Variants in IL4I1 observed in about 807,000 individuals in gnomAD.
IL4I1 encodes L-amino-acid oxidase.
IL4I1 carries 24 observed loss-of-function variants against 29.7 expected under a neutral mutation model. The ratio of observed to expected loss-of-function variants is 0.81; its 90% CI spans 0.59 to 1.14. The LOEUF (loss-of-function observed/expected upper bound fraction) is 1.14. Ranked by LOEUF, IL4I1 falls within the 50% of genes most tolerant of loss-of-function variation. The pLI, the probability that IL4I1 is intolerant of heterozygous loss-of-function variation, is 0.00. For synonymous variants in IL4I1, 371 were observed against 352.5 expected, an observed-to-expected ratio of 1.05 and a Z score of -0.59; for missense variants, 686 against 785.6, an observed-to-expected ratio of 0.87 and a Z score of 1.52.
intron 2 of IL4I1, chr19:49,911,084 T>G (rs1331308657): frequency 6.6e-6 from 1 of 152,174 alleles, no homozygotes; most frequent in Non-Finnish European, 1.5e-5. Context: ...TTTTTTATTT[T>G]TTGTGGAAAT....
rs1175710106 is a variant in IL4I1, at chr19:49,891,471, G to A, written c.570C>T (p.Ala190=). 1.9e-6 allele frequency: 3 copies of A among 1,613,930 alleles called. No individual in the cohort carries two copies. Among genetic ancestry groups the A allele is most frequent in the African/African-American group, 1.3e-5 (1 of 74,934 alleles). The part of the protein sequence containing the change: ...EDIYQMALNQ[A]LKDLKALGCR... The stretch of plus-strand genomic sequence containing the variant: ...AGCCCAGTGCCTTGAGGTCTTTGAG[G>A]GCCTGTTGTGGAAGAAGCAGACATG... Residue 190 remains alanine, a splice_region_variant and synonymous_variant, in exon 6 of 8, where the codon GCC becomes GCT. Transcript: ENST00000391826.
rs530202039 is a variant in IL4I1, at chr19:49,889,822, C to G, written c.1552G>C (p.Glu518Gln). The G allele has an allele frequency of 1.3e-6, 2 of 1,559,310 alleles. No individual in the cohort carries two copies. Among genetic ancestry groups the G allele is most frequent in the African/African-American group, 2.7e-5 (2 of 73,150 alleles). The change falls in exon 8 of 8, where the codon GAG becomes CAG. Residue 518 changes from glutamate to glutamine, a missense_variant. Transcript: ENST00000391826. ...CCCTCCATGTCAGATGCGTGCCCCTCGGGGCTGGCCGTGTCCGATGCAGGC... is the reference window on the plus strand; with the variant it reads ...CCCTCCATGTCAGATGCGTGCCCCTGGGGGCTGGCCGTGTCCGATGCAGGC... ...KGPASDTASPEGHASDMEGQG... is the reference protein window; with the variant it reads ...KGPASDTASPQGHASDMEGQG...
At chr19:49,892,512 A>C (rs112441592) in intron 5 of IL4I1, among the ~76,000 whole-genome samples, 1 of 152,174 alleles carries the variant, frequency 6.6e-6, no homozygotes, top group African/African-American at 2.4e-5. Context: ...AACAGTGTAC[A>C]GTGCCCAGAC....
chr19:49,890,027 G>A lies in IL4I1; in HGVS notation c.1347C>T (p.His449=). 6.4e-7 allele frequency: 1 copy of A among 1,552,136 alleles called. No homozygotes were observed. The highest frequency in any genetic ancestry group is 8.7e-7 in the Non-Finnish European group (1 of 1,147,974). The change falls in exon 8 of 8, where the codon CAC becomes CAT. Residue 449 remains histidine (H), a synonymous_variant. Coordinates refer to ENST00000391826, the MANE Select transcript of IL4I1 (RefSeq NM_152899.2). Reference sequence around the variant, plus strand: ...GCTGTACCACAAAGCCACCCTGGCTGTGCTGGTCCTCCGCCCAACGCTTGA... The same window carrying A: ...GCTGTACCACAAAGCCACCCTGGCTATGCTGGTCCTCCGCCCAACGCTTGA... ...GVVKRWAEDQ[H]SQGGFVVQPP...
chr19:49,926,810 C>T (rs1169184687), intron 2 of IL4I1, among the ~76,000 whole-genome samples: 1 of 151,712 alleles, frequency 6.6e-6, no homozygotes, highest in Non-Finnish European at 1.5e-5. Flanking sequence ...CTGCTCGACA[C>T]GGATTAACTC....
chr19:49,908,727 A>T (rs979388089), intron 2 of IL4I1: 3 of 1,613,102 alleles, frequency 1.9e-6, no homozygotes, highest in African/African-American at 2.7e-5. Context: ...GTGCGGTCCC[A>T]GGCGTTGACC....
At chr19:49,908,389 C>T in intron 2 of IL4I1, 1 of 1,614,216 alleles carries the variant, frequency 6.2e-7, no homozygotes, top group Non-Finnish European at 8.5e-7. Context: ...TCTTGCAGAT[C>T]TGCTGCAGTG....
In IL4I1 at chr19:49,920,619, C is replaced by A. The variant is rs937565821; in HGVS notation, c.-228+7075G>T. On this transcript the variant is annotated intron_variant, in intron 2 of 9. Coordinates refer to the IL4I1 transcript ENST00000341114. ...AGGCGGATAGGCGTCAGGCTCAGAG[C>A]TGACTTTACCCCGAGGGCAACGGCT... Among the ~76,000 whole-genome samples the A allele has an allele frequency of 6.6e-5, 10 of 152,220 alleles. No individual in the cohort carries two copies. In the South Asian group the frequency reaches 2.1e-3, roughly 32 times the overall value.
Position 49,890,041 on chromosome 19 carries a change from C to G in IL4I1, c.1333G>C (p.Ala445Pro). ...WDGTGVVKRW[A>P]EDQHSQGGFV... ...CCACCCTGGCTGTGCTGGTCCTCCGCCCAACGCTTGACGACGCCGGTGCCG... is the reference window on the plus strand; with the variant it reads ...CCACCCTGGCTGTGCTGGTCCTCCGGCCAACGCTTGACGACGCCGGTGCCG... Residue 445 changes from alanine to proline, a missense_variant, in exon 8 of 8, where the codon GCG becomes CCG. Ala to Pro is a conservative substitution (Grantham distance 27). Transcript: ENST00000391826. The G allele has an allele frequency of 6.4e-7, 1 of 1,551,278 alleles. No homozygotes were observed. Among genetic ancestry groups the G allele is most frequent in the Non-Finnish European group, 8.7e-7 (1 of 1,147,574 alleles).
intron 2 of IL4I1, among the ~76,000 whole-genome samples, chr19:49,904,609 C>A (rs755789334): frequency 6.6e-6 from 1 of 152,000 alleles, no homozygotes; most frequent in Non-Finnish European, 1.5e-5. Context: ...AGTGCAGTGG[C>A]GCGATCTTGG....
chr19:49,913,311 T>C (rs2075527569), intron 2 of IL4I1, among the ~76,000 whole-genome samples: 1 of 152,226 alleles, frequency 6.6e-6, no homozygotes, highest in Non-Finnish European at 1.5e-5. Flanking sequence ...AAATGGCCCT[T>C]GACCAGCTCC....
Position 49,909,030 on chromosome 19 carries a change from C to A in IL4I1, c.-227-4709G>T, listed in dbSNP as rs199595285. On this transcript the variant is annotated intron_variant, in intron 2 of 9. Transcript: ENST00000341114. ...GAGGTGCCGGAAGCTGCTCCAGGTG[C>A]CTTTAAGCTGAAGCCCTGTGTCCCA... The A allele has an allele frequency of 2.4e-4, 390 of 1,613,138 alleles. 5 individuals carry two copies. In the East Asian group the frequency reaches 8.6e-3, roughly 36 times the overall value.
upstream of IL4I1, among the ~76,000 whole-genome samples, chr19:49,900,211 T>A (rs1038989476): frequency 6.6e-6 from 1 of 151,936 alleles, no homozygotes; most frequent in African/African-American, 2.4e-5. Flanking sequence ...GAAAAAAAAA[T>A]CCCAATTAAT....
At chr19:49,906,534 A>C (rs547599397) in intron 2 of IL4I1, among the ~76,000 whole-genome samples, 6 of 152,316 alleles carry the variant, frequency 3.9e-5, no homozygotes, top group South Asian at 4.1e-4. Context: ...ATTCTACGAC[A>C]TAACTGTCAC....
intron 3 of IL4I1, among the ~76,000 whole-genome samples, chr19:49,903,670 CA>C (rs1360176915): frequency 6.6e-6 from 1 of 152,110 alleles, no homozygotes; most frequent in African/African-American, 2.4e-5. Flanking sequence ...TGAGTCATAC[CA>C]GGTCATAAGA....
At chr19:49,909,537 C>G (rs765595786) in intron 2 of IL4I1, 1 of 1,614,128 alleles carries the variant, frequency 6.2e-7, no homozygotes, top group Non-Finnish European at 8.5e-7. Context: ...GCACCGATCC[C>G]CAAAGAAAAT....
chr19:49,895,135 T>A lies in IL4I1; in HGVS notation c.298A>T (p.Thr100Ser). The A allele has an allele frequency of 6.2e-7, 1 of 1,613,708 alleles. No individual in the cohort carries two copies. The highest frequency in any genetic ancestry group is 8.5e-7 in the Non-Finnish European group (1 of 1,179,810). ...ADNRIGGRIF[T>S]YRDQNTGWIG... Reference sequence around the variant, plus strand: ...CAGCCCGTGTTCTGGTCCCGGTAGGTGAAGATGCGGCCCCCGATCCTGTTA... The same window carrying A: ...CAGCCCGTGTTCTGGTCCCGGTAGGAGAAGATGCGGCCCCCGATCCTGTTA... Residue 100 changes from threonine (T) to serine (S), a missense_variant, in exon 4 of 8, where the codon ACC becomes TCC. Coordinates refer to ENST00000391826, the MANE Select transcript of IL4I1 (RefSeq NM_152899.2).
intron 2 of IL4I1, among the ~76,000 whole-genome samples, chr19:49,926,091 C>T (rs1287894046): frequency 6.6e-6 from 1 of 151,730 alleles, no homozygotes; most frequent in Non-Finnish European, 1.5e-5. Context: ...TGTCTGTAAT[C>T]CCAGCTACTC....
chr19:49,911,909 T>C (rs1168321755), intron 2 of IL4I1, among the ~76,000 whole-genome samples: 1 of 152,124 alleles, frequency 6.6e-6, no homozygotes, highest in Non-Finnish European at 1.5e-5. Context: ...CATCCATTCC[T>C]CCCGTTGTGG....
Sources: gnomAD v4.1 joint callset for allele counts (sites outside exome capture counted in the v4.1 genomes callset) on GRCh38, gnomAD v4.1.1 for gene constraint, MANE v1.5 for transcripts, NCBI Gene and HGNC (gene_info 2026-07-23, HGNC 2026-07-21) for gene names.